RGSL1: variants seen among roughly 807,000 people sequenced by gnomAD.
RGSL1 encodes regulator of G protein signaling like 1, also known as regulator of G protein signaling protein-like.
Under a neutral mutation model 124.7 loss-of-function variants are expected in RGSL1, and 97 were observed. The ratio of observed to expected loss-of-function variants is 0.78; its 90% CI spans 0.66 to 0.92. The LOEUF is 0.92. Among genes scored for constraint, RGSL1 ranks in the 40% least tolerant of loss-of-function variants. RGSL1 has a pLI of 0.00. For synonymous variants in RGSL1, 424 were observed against 438.1 expected (o/e 0.97, Z 0.40); for missense variants, 1,233 against 1,288.4 (o/e 0.96, Z 0.66).
intron 4 of RGSL1, among the ~76,000 whole-genome samples, chr1:182,463,046 A>C (rs266512): frequency 0.91 from 137,755 of 152,190 alleles, 62,551 homozygotes; most frequent in East Asian, 1. Flanking sequence ...GTAATCCCAG[A>C]ACTTTGGAAG....
At chr1:182,456,139 A>G (rs780257273) in intron 2 of RGSL1, among the ~76,000 whole-genome samples, 1 of 152,136 alleles carries the variant, frequency 6.6e-6, no homozygotes. Flanking sequence ...GAAGAAAGGA[A>G]GCAAGGGTAA....
At chr1:182,519,713 T>G (rs1658183411) in intron 9 of RGSL1, among the ~76,000 whole-genome samples, 1 of 152,110 alleles carries the variant, frequency 6.6e-6, no homozygotes, top group Non-Finnish European at 1.5e-5. Flanking sequence ...TTTGACATTT[T>G]AAGTATATTT....
At chr1:182,548,500 T>C (rs1660361582) in intron 16 of RGSL1, 45 bp downstream of exon 16, 1 of 1,548,704 alleles carries the variant, frequency 6.5e-7, no homozygotes, top group Admixed American at 2.0e-5. Context: ...CCAAGAAGCA[T>C]TTCCCCCACA....
intron 21 of RGSL1, among the ~76,000 whole-genome samples, chr1:182,557,131 ACT>A (rs1660911767): frequency 6.6e-6 from 1 of 152,018 alleles, no homozygotes; most frequent in Admixed American, 6.6e-5. Context: ...GGCAGACATG[ACT>A]CTAGAGGAGG....
chr1:182,483,687 G>A (rs1654880815), intron 6 of RGSL1, among the ~76,000 whole-genome samples: 1 of 151,926 alleles, frequency 6.6e-6, no homozygotes, highest in Non-Finnish European at 1.5e-5. Context: ...ATGCAGGTTT[G>A]TTATATAGGT....
At chr1:182,505,157 G>A (rs913807381) in intron 9 of RGSL1, among the ~76,000 whole-genome samples, 1 of 152,126 alleles carries the variant, frequency 6.6e-6, no homozygotes, top group African/African-American at 2.4e-5. Flanking sequence ...AATTCTTTTA[G>A]TAATTTCACT....
rs1337253677 is a variant in RGSL1, at chr1:182,548,435, G to A, written c.2788G>A (p.Asp930Asn). ...TATCCAAAAACTCTTCCTGAATTCT[G>A]ACATCCCTCCAAAGCTGAGGGTAAG... ...NIIQKLFLNS[D>N]IPPKLRVNVP... Residue 930 changes from aspartate to asparagine, a missense_variant, in exon 16 of 22, where the codon GAC becomes AAC. Physicochemically the swap from Asp to Asn is conservative, Grantham distance 23 (BLOSUM62 1). Transcript: ENST00000294854. The A allele has an allele frequency of 6.4e-7, 1 of 1,551,488 alleles. No homozygotes were observed. The highest frequency in any genetic ancestry group is 8.7e-7 in the Non-Finnish European group (1 of 1,146,994).
Position 182,521,293 on chromosome 1 carries a change from T to C in RGSL1, c.1826-711T>C, listed in dbSNP as rs961994297. ...ACTGTGTTGTCCAGACTGATTTTAA[T>C]CTCCCAGCCTCAAGTGATCCTCCCA... On this transcript the variant is annotated intron_variant, in intron 9 of 21. Transcript: ENST00000294854. 3.3e-5 allele frequency among the ~76,000 whole-genome samples: 5 copies of C among 152,132 alleles called. No individual in the cohort carries two copies. In the East Asian group the frequency reaches 7.7e-4, roughly 23 times the overall value.
Position 182,522,051 on chromosome 1 carries a change from A to G in RGSL1, c.1873A>G (p.Asn625Asp). 6.5e-7 allele frequency: 1 copy of G among 1,549,458 alleles called. No individual in the cohort carries two copies. The highest frequency in any genetic ancestry group is 2.4e-5 in the East Asian group (1 of 40,854). The stretch of plus-strand genomic sequence containing the variant: ...GGAAACAAAGACAGTTTCACGCTCA[A>G]ATAGGAAAATGTCCTTGCTCAAAAG... ...IKETKTVSRS[N>D]RKMSLLKRTL... Residue 625 changes from asparagine to aspartate, a missense_variant, in exon 10 of 22, where the codon AAT becomes GAT. Physicochemically the swap from Asn to Asp is conservative, Grantham distance 23. Transcript: ENST00000294854.
intron 18 of RGSL1, among the ~76,000 whole-genome samples, chr1:182,551,600 A>G (rs934668038): frequency 6.6e-6 from 1 of 152,228 alleles, no homozygotes; most frequent in Non-Finnish European, 1.5e-5. Flanking sequence ...CTGCATATAT[A>G]TAGTTTTAAT....
intron 15 of RGSL1, among the ~76,000 whole-genome samples, chr1:182,540,749 T>C (rs545734065): frequency 3.9e-5 from 6 of 152,316 alleles, no homozygotes; most frequent in African/African-American, 9.6e-5. Context: ...TATTCTTTAG[T>C]CAAAGCCAGG....
rs528796899 is a variant in RGSL1 at position 182,514,561 on chromosome 1, C to T, written c.1826-7443C>T. 8.5e-5 allele frequency among the ~76,000 whole-genome samples: 13 copies of T among 152,230 alleles called. 1 individual carries two copies. Among genetic ancestry groups the T allele is most frequent in the East Asian group, 3.9e-4 (2 of 5,160 alleles). Reference sequence around the variant, plus strand: ...TTCTGGAAAACCTCTATATATCTGTCGGGGTTATCTGGAAACCTGCTAAGA... The same window carrying T: ...TTCTGGAAAACCTCTATATATCTGTTGGGGTTATCTGGAAACCTGCTAAGA... On this transcript the variant is annotated intron_variant, in intron 9 of 21. Transcript: ENST00000294854.
chr1:182,462,309 A>G (rs1426816716), intron 4 of RGSL1, among the ~76,000 whole-genome samples: 2 of 152,318 alleles, frequency 1.3e-5, no homozygotes, highest in East Asian at 3.9e-4. Context: ...TCCCAGATAA[A>G]CAAAAGTTGA....
chr1:182,480,873 A>G (rs1654655364), intron 6 of RGSL1, among the ~76,000 whole-genome samples: 2 of 152,188 alleles, frequency 1.3e-5, no homozygotes, highest in South Asian at 4.1e-4. Context: ...TAGTAGCTCA[A>G]AAAAAATCAA....
chr1:182,454,627 G>A (rs1018607845), intron 2 of RGSL1, among the ~76,000 whole-genome samples: 1 of 138,178 alleles, frequency 7.2e-6, no homozygotes, highest in Non-Finnish European at 1.5e-5. Flanking sequence ...TGTGTGTGTG[G>A]CCCCCAGTAG....
At chr1:182,474,705 C>T (rs1654148417) in intron 6 of RGSL1, among the ~76,000 whole-genome samples, 163 bp downstream of exon 6, 1 of 152,190 alleles carries the variant, frequency 6.6e-6, no homozygotes, top group Non-Finnish European at 1.5e-5. Flanking sequence ...GGGTCCCCAG[C>T]CCCTGGGCCG....
At chr1:182,531,373 C>T (rs929847611) in intron 13 of RGSL1, among the ~76,000 whole-genome samples, 2 of 152,138 alleles carry the variant, frequency 1.3e-5, no homozygotes, top group Non-Finnish European at 1.5e-5. Flanking sequence ...CTAGCTCATT[C>T]TTTCTCCTAT....
intron 10 of RGSL1, 115 bp downstream of exon 10, chr1:182,522,224 T>C (rs897645790): frequency 2.8e-6 from 2 of 709,320 alleles, no homozygotes; most frequent in Admixed American, 2.8e-5. Flanking sequence ...CCCTTTTCCA[T>C]ATACAATACA....
At chr1:182,493,962 C>G (rs1251064191) in intron 9 of RGSL1, among the ~76,000 whole-genome samples, 2 of 152,186 alleles carry the variant, frequency 1.3e-5, no homozygotes, top group African/African-American at 4.8e-5. Flanking sequence ...AAGGCAGGCT[C>G]ACATTACTCT....
Sources: gnomAD v4.1 joint callset for allele counts (sites outside exome capture counted in the v4.1 genomes callset) on GRCh38, gnomAD v4.1.1 for gene constraint, MANE v1.5 for transcripts, NCBI Gene and HGNC (gene_info 2026-07-23, HGNC 2026-07-21) for gene names.